The following SMOC2 variants were observed in gnomAD, a reference collection of about 807,000 sequenced individuals.
SMOC2 encodes SPARC-related modular calcium-binding protein 2.
In SMOC2, 39 loss-of-function variants were observed where a neutral mutation model predicts 61.4. The ratio of observed to expected loss-of-function variants is 0.64; its 90% CI spans 0.49 to 0.83. The LOEUF is 0.83. Ranked by LOEUF, SMOC2 falls within the 40% of genes least tolerant of loss-of-function variation. The probability of loss-of-function intolerance (pLI) is 0.00; values close to 1 mark genes in which losing one functional copy is unlikely to be tolerated. For missense variants in SMOC2, 556 were observed against 592.9 expected (o/e 0.94, Z 0.65); for synonymous variants, 247 against 239.9 (o/e 1.03, Z -0.27).
At chr6:168,648,457 G>C (rs1480166701) in intron 9 of SMOC2, among the ~76,000 whole-genome samples, 1 of 152,244 alleles carries the variant, frequency 6.6e-6, no homozygotes, top group African/African-American at 2.4e-5. Context: ...TAGTCCTGCA[G>C]CTGGGGAGCT....
chr6:168,596,318 G>A (rs1785334341), intron 7 of SMOC2, among the ~76,000 whole-genome samples: 4 of 141,146 alleles, frequency 2.8e-5, no homozygotes, highest in Admixed American at 6.8e-5. Context: ...GGTGCTGCTG[G>A]AGAGGAATGA....
rs779248464 is a variant in SMOC2, at chr6:168,441,226, C to T, written c.-145C>T. 121 of 1,270,312 alleles carry T rather than the reference C, an allele frequency of 9.5e-5. No individual in the cohort carries two copies. Among genetic ancestry groups the T allele is most frequent in the Non-Finnish European group, 1.1e-4 (112 of 992,388 alleles). The allele number at this position is 1,270,312 out of a possible 1,614,324, so 78.7% of individuals were successfully genotyped here. A position where few individuals can be genotyped will look rare whatever the true frequency, so the allele number is the denominator to read the frequency against. On this transcript the variant is annotated 5_prime_UTR_variant, in exon 1 of 13. Transcript: ENST00000356284. ...GGTGCCTGCAGGGGAGCTGCTCCAG[C>T]CGGGCCGCCGGGAGCGGTGGGGAGA...
chr6:168,611,916 T>G (rs35584063), intron 9 of SMOC2, among the ~76,000 whole-genome samples: 30,985 of 152,122 alleles, frequency 0.2, 3,619 homozygotes, highest in Non-Finnish European at 0.25. Flanking sequence ...TCCCACCTGG[T>G]GGGGCACAGC....
At chr6:168,516,900 G>C (rs995522140) in intron 2 of SMOC2, among the ~76,000 whole-genome samples, 1 of 152,180 alleles carries the variant, frequency 6.6e-6, no homozygotes, top group Non-Finnish European at 1.5e-5. Context: ...GTTGCAGTGA[G>C]CCCAGATCGT....
chr6:168,517,952 C>T (rs1477208443), intron 2 of SMOC2, among the ~76,000 whole-genome samples: 2 of 152,254 alleles, frequency 1.3e-5, no homozygotes, highest in Admixed American at 1.3e-4. Flanking sequence ...GGGCTCTGTC[C>T]TCGCGTCTCT....
chr6:168,623,329 A>ATTTTTTTT lies in SMOC2; in HGVS notation c.907+15102_907+15109dup, dbSNP rs11284179. 1.1e-3 allele frequency among the ~76,000 whole-genome samples: 147 copies of ATTTTTTTT among 129,020 alleles called. 14 individuals are homozygous for ATTTTTTTT. The highest frequency in any genetic ancestry group is 4.1e-3 in the Middle Eastern group (1 of 242). 84.6% of individuals were successfully genotyped at this position (129,020 alleles called of 152,430 possible). A position where few individuals can be genotyped will look rare whatever the true frequency, so the allele number is the denominator to read the frequency against. On this transcript the variant is annotated intron_variant, in intron 9 of 12. Coordinates refer to ENST00000356284, the MANE Select transcript of SMOC2 (RefSeq NM_001166412.2). ...GTTTTGGCTGAGACATGGATAATTA[A>ATTTTTTTT]TTTTTTTTTTTTTTTTTTTGAGACA...
intron 4 of SMOC2, among the ~76,000 whole-genome samples, chr6:168,528,184 A>G (rs562180975): frequency 6.6e-6 from 1 of 152,104 alleles, no homozygotes; most frequent in Non-Finnish European, 1.5e-5. Context: ...ATGTTATTTT[A>G]TTACTCGTAA....
chr6:168,512,528 T>G (rs1286129863), intron 2 of SMOC2, among the ~76,000 whole-genome samples: 1 of 152,200 alleles, frequency 6.6e-6, no homozygotes, highest in Non-Finnish European at 1.5e-5. Context: ...CAAAATGCAG[T>G]AAAAAATTAT....
Position 168,547,299 on chromosome 6 carries a change from C to T in SMOC2, c.562+130C>T, listed in dbSNP as rs370384791. 47 of 714,768 alleles carry T rather than the reference C, an allele frequency of 6.6e-5. 2 individuals carry two copies. Among genetic ancestry groups the T allele is most frequent in the Admixed American group, 6.1e-4 (27 of 44,288 alleles). 44.3% of individuals were successfully genotyped at this position (714,768 alleles called of 1,614,324 possible). A position where few individuals can be genotyped will look rare whatever the true frequency, so the allele number is the denominator to read the frequency against. ...TGGAGTGTAACATGCCAGACACAGACAGAAAAGACCACGTGATCTTACTTA... is the reference window on the plus strand; with the variant it reads ...TGGAGTGTAACATGCCAGACACAGATAGAAAAGACCACGTGATCTTACTTA... On this transcript the variant is annotated intron_variant, in intron 6 of 12. Transcript: ENST00000356284.
intron 1 of SMOC2, among the ~76,000 whole-genome samples, chr6:168,464,240 A>T (rs1781777779): frequency 6.6e-6 from 1 of 151,268 alleles, no homozygotes; most frequent in Non-Finnish European, 1.5e-5. Context: ...AAAAGGAAGG[A>T]AGGAAGAAAG....
intron 1 of SMOC2, among the ~76,000 whole-genome samples, chr6:168,501,750 C>T (rs1442880569): frequency 6.6e-6 from 1 of 152,262 alleles, no homozygotes; most frequent in Non-Finnish European, 1.5e-5. Flanking sequence ...TACCCAACAG[C>T]GTCACCCAGG....
At chr6:168,604,909 G>A (rs1460796393) in intron 8 of SMOC2, among the ~76,000 whole-genome samples, 1 of 152,176 alleles carries the variant, frequency 6.6e-6, no homozygotes, top group Non-Finnish European at 1.5e-5. Flanking sequence ...AGAGGCTTCA[G>A]CCCTTCCTAG....
chr6:168,564,063 A>T (rs1336927735), intron 7 of SMOC2, among the ~76,000 whole-genome samples: 5 of 152,134 alleles, frequency 3.3e-5, no homozygotes. Flanking sequence ...AAATGTACAG[A>T]TCACTGTGAC....
At chr6:168,474,289 A>T (rs1317922246) in intron 1 of SMOC2, among the ~76,000 whole-genome samples, 1 of 152,040 alleles carries the variant, frequency 6.6e-6, no homozygotes, top group African/African-American at 2.4e-5. Flanking sequence ...AGGGACGATA[A>T]GGGCTGCATT....
At chr6:168,480,574 A>T (rs547760436) in intron 1 of SMOC2, among the ~76,000 whole-genome samples, 1 of 152,254 alleles carries the variant, frequency 6.6e-6, no homozygotes, top group Non-Finnish European at 1.5e-5. Flanking sequence ...TGAGTCTGAG[A>T]AATATATTTT....
chr6:168,497,611 C>A (rs1300345732), intron 1 of SMOC2, among the ~76,000 whole-genome samples: 1 of 152,128 alleles, frequency 6.6e-6, no homozygotes, highest in Admixed American at 6.5e-5. Context: ...AGAGGCCTGC[C>A]CCCGGAACGT....
intron 7 of SMOC2, among the ~76,000 whole-genome samples, chr6:168,564,631 G>A (rs1238199877): frequency 6.6e-6 from 1 of 152,168 alleles, no homozygotes; most frequent in Non-Finnish European, 1.5e-5. Flanking sequence ...AATGCACAGT[G>A]TTTTTAATTT....
At chr6:168,498,342 G>T (rs533418278) in intron 1 of SMOC2, among the ~76,000 whole-genome samples, 30 of 152,270 alleles carry the variant, frequency 2.0e-4, no homozygotes, top group Non-Finnish European at 3.5e-4. Flanking sequence ...AGAAACTCTG[G>T]CTGAATGCCT....
chr6:168,653,146 CAA>C lies in SMOC2; in HGVS notation c.1205_1206del (p.Lys402IlefsTer33), dbSNP rs748745196. The C allele has an allele frequency of 6.2e-7, 1 of 1,614,188 alleles. No individual in the cohort carries two copies. The highest frequency in any genetic ancestry group is 8.5e-7 in the Non-Finnish European group (1 of 1,180,032). On this transcript the variant is annotated frameshift_variant, in exon 11 of 13. Coordinates refer to ENST00000356284, the MANE Select transcript of SMOC2 (RefSeq NM_001166412.2). LOFTEE classifies it high-confidence loss of function. ...FVEYCDVNND[K>X]SISVQELMGC... Reference sequence around the variant, plus strand: ...TTGAATACTGTGACGTGAATAATGACAAATCCATCTCCGTACAAGAACTGATG... The same window carrying C: ...TTGAATACTGTGACGTGAATAATGACATCCATCTCCGTACAAGAACTGATG...
Sources: allele counts gnomAD v4.1 joint callset (sites outside exome capture counted in the v4.1 genomes callset), GRCh38; gene constraint gnomAD v4.1.1; transcripts MANE v1.5; gene names NCBI Gene and HGNC (gene_info 2026-07-23, HGNC 2026-07-21).